The following RANBP17 variants were observed in gnomAD, a reference collection of about 807,000 sequenced individuals.
RANBP17 encodes RAN binding protein 17.
In RANBP17, 158 loss-of-function variants were observed where a neutral mutation model predicts 141.2. That is an observed-to-expected ratio of 1.12 (90% CI 0.98 to 1.28). The LOEUF is 1.28. RANBP17 is among the 50% of genes most tolerant of loss of function. The pLI is 0.00. For missense variants in RANBP17, 1,438 were observed against 1,290.7 expected (o/e 1.11, Z -1.75); for synonymous variants, 430 against 450.0 (o/e 0.96, Z 0.56).
intron 25 of RANBP17, among the ~76,000 whole-genome samples, chr5:171,278,746 A>T (rs998046822): frequency 3.3e-5 from 5 of 152,194 alleles, no homozygotes; most frequent in Non-Finnish European, 7.3e-5. Context: ...CCCTTGAGAG[A>T]CTTAACTGCA....
chr5:171,249,951 G>A (rs575244296), intron 24 of RANBP17, among the ~76,000 whole-genome samples: 1 of 152,234 alleles, frequency 6.6e-6, no homozygotes, highest in Admixed American at 6.5e-5. Context: ...CTTTTCCATG[G>A]TACATTATAG....
intron 14 of RANBP17, among the ~76,000 whole-genome samples, chr5:170,976,297 T>C (rs1777373167): frequency 6.6e-6 from 1 of 152,180 alleles, no homozygotes; most frequent in South Asian, 2.1e-4. Context: ...GTAAAACTTA[T>C]AATCTGAAAA....
intron 14 of RANBP17, among the ~76,000 whole-genome samples, chr5:171,138,482 C>T (rs1490971332): frequency 1.3e-5 from 2 of 150,828 alleles, no homozygotes; most frequent in Non-Finnish European, 2.9e-5. Context: ...TTTATACCCT[C>T]TTGCAGGCTC....
intron 14 of RANBP17, among the ~76,000 whole-genome samples, chr5:171,077,637 C>A (rs1206407303): frequency 2.0e-5 from 3 of 152,096 alleles, no homozygotes; most frequent in African/African-American, 7.2e-5. Context: ...GGCTGATGGG[C>A]AGAAAGGAAA....
intron 14 of RANBP17, among the ~76,000 whole-genome samples, chr5:171,069,462 C>T (rs1013483471): frequency 6.6e-6 from 1 of 152,166 alleles, no homozygotes; most frequent in African/African-American, 2.4e-5. Context: ...CTTGCTAGCT[C>T]AATGGTTTCA....
rs537756757 is a variant in RANBP17 at position 171,144,730 on chromosome 5, C to CT, written c.1711-25395dup. ...GAGTGTTTGACTATCTGTGAAATCC[C>CT]TTTTTGTGTTTTCTTCACTTGAAAT... On this transcript the variant is annotated intron_variant, in intron 14 of 27. Transcript: ENST00000523189. Among the ~76,000 whole-genome samples, 490 of 152,256 alleles carry CT rather than the reference C, an allele frequency of 3.2e-3. 4 individuals are homozygous for CT. Among genetic ancestry groups the CT allele is most frequent in the African/African-American group, 0.011 (462 of 41,532 alleles).
intron 14 of RANBP17, among the ~76,000 whole-genome samples, chr5:171,081,714 C>T (rs1785266971): frequency 6.6e-6 from 1 of 151,968 alleles, no homozygotes; most frequent in Non-Finnish European, 1.5e-5. Context: ...TCACATAAAA[C>T]CTCCTGATTT....
chr5:171,023,155 C>T (rs961717966), intron 14 of RANBP17, among the ~76,000 whole-genome samples: 1 of 152,192 alleles, frequency 6.6e-6, no homozygotes, highest in East Asian at 1.9e-4. Flanking sequence ...GTGAAGGATT[C>T]ACATGCCTAT....
At chr5:170,875,061 G>T (rs923227476) in intron 1 of RANBP17, among the ~76,000 whole-genome samples, 1 of 152,074 alleles carries the variant, frequency 6.6e-6, no homozygotes, top group Non-Finnish European at 1.5e-5. Flanking sequence ...TGTCTGAAAT[G>T]GATTTTATTT....
At chr5:171,082,223 A>G in intron 14 of RANBP17, among the ~76,000 whole-genome samples, 1 of 152,086 alleles carries the variant, frequency 6.6e-6, no homozygotes, top group East Asian at 1.9e-4. Context: ...TAAAATACAC[A>G]CACACATATA....
chr5:171,258,771 A>G (rs896219319), intron 24 of RANBP17, among the ~76,000 whole-genome samples: 1 of 152,234 alleles, frequency 6.6e-6, no homozygotes, highest in Non-Finnish European at 1.5e-5. Flanking sequence ...CTGTTAAAAA[A>G]ATACTAGAAG....
chr5:170,929,546 C>G (rs1773176921), intron 12 of RANBP17, among the ~76,000 whole-genome samples: 1 of 152,104 alleles, frequency 6.6e-6, no homozygotes, highest in Non-Finnish European at 1.5e-5. Flanking sequence ...GTTAAACCAG[C>G]TTTGCATTCT....
At position 171,109,982 on chromosome 5, in the gene RANBP17, T is replaced by A. The variant is rs930188869; in HGVS notation, c.1711-60148T>A. 2.6e-5 allele frequency among the ~76,000 whole-genome samples: 4 copies of A among 152,140 alleles called. No individual in the cohort carries two copies. In the East Asian group the frequency reaches 7.7e-4, roughly 29 times the overall value. On this transcript the variant is annotated intron_variant, in intron 14 of 27. Transcript: ENST00000523189. ...GAAAATTGCATATTTAGGGGTGAGA[T>A]GAGGGTTATTGAGAAAGACTGGAAG... is the stretch of plus-strand genomic sequence containing the variant.
At chr5:171,194,286 T>G (rs1015420319) in intron 18 of RANBP17, among the ~76,000 whole-genome samples, 7 of 152,226 alleles carry the variant, frequency 4.6e-5, no homozygotes, top group African/African-American at 1.7e-4. Context: ...CATAAAATTG[T>G]GCAGCCATCA....
At chr5:171,226,882 T>A (rs2127986379) in intron 22 of RANBP17, among the ~76,000 whole-genome samples, 1 of 152,328 alleles carries the variant, frequency 6.6e-6, no homozygotes, top group Middle Eastern at 3.4e-3. Context: ...AGATACTGTG[T>A]TTTTTATAAA....
At position 171,170,110 on chromosome 5, in the gene RANBP17, A is replaced by C. The variant is rs191278296; in HGVS notation, c.1711-20A>C. The C allele has an allele frequency of 7.3e-7, 1 of 1,370,214 alleles. No individual in the cohort carries two copies. The highest frequency in any genetic ancestry group is 1.5e-5 in the South Asian group (1 of 68,508). The allele number at this position is 1,370,214 out of a possible 1,614,324, so 84.9% of individuals were successfully genotyped here. A position where few individuals can be genotyped will look rare whatever the true frequency, so the allele number is the denominator to read the frequency against. On this transcript the variant is annotated intron_variant, in intron 14 of 27. Transcript: ENST00000523189. ...ATATGTTAATAGTAAAACTTTTAAC[A>C]ATGAAATGTTTTAATGCAGGTATAT...
chr5:170,972,099 C>T (rs1437674198), intron 14 of RANBP17, among the ~76,000 whole-genome samples: 1 of 151,454 alleles, frequency 6.6e-6, no homozygotes, highest in East Asian at 1.9e-4. Context: ...ACTTTTTCTA[C>T]ATTTCTGTGT....
chr5:170,965,360 C>T (rs1458152645), intron 13 of RANBP17, among the ~76,000 whole-genome samples: 1 of 151,572 alleles, frequency 6.6e-6, no homozygotes, highest in East Asian at 1.9e-4. Flanking sequence ...CCTGTTCACT[C>T]TGATGGTGGT....
chr5:171,108,472 G>GTAC (rs1363957142), intron 14 of RANBP17, among the ~76,000 whole-genome samples: 1 of 152,098 alleles, frequency 6.6e-6, no homozygotes, highest in African/African-American at 2.4e-5. Context: ...GAGTGCAGTG[G>GTAC]TACAAACACA....
Sources: gnomAD v4.1 joint callset for allele counts (sites outside exome capture counted in the v4.1 genomes callset) on GRCh38, gnomAD v4.1.1 for gene constraint, MANE v1.5 for transcripts, NCBI Gene and HGNC (gene_info 2026-07-23, HGNC 2026-07-21) for gene names.